The following RPSA2 variants were observed in gnomAD, a reference collection of about 807,000 sequenced individuals.
RPSA2 encodes the protein small ribosomal subunit protein uS2B.
chr19:23,775,027 T>G, the RPSA2 span, among the ~76,000 whole-genome samples: 3 of 152,162 alleles, frequency 2.0e-5, no homozygotes, highest in East Asian at 5.8e-4. Context: ...AGACAAACTA[T>G]CTTTCATATG....
At chr19:23,832,575 C>T in the RPSA2 span, 1 of 1,070,276 alleles carries the variant, frequency 9.3e-7, no homozygotes, top group South Asian at 1.4e-5. Context: ...TGTGGCAATG[C>T]TTTTAGCCAG....
At chr19:23,855,982 T>C in the RPSA2 span, among the ~76,000 whole-genome samples, 3 of 152,078 alleles carry the variant, frequency 2.0e-5, no homozygotes, top group Non-Finnish European at 4.4e-5. Context: ...TATTGGTTCT[T>C]CATGAAAAGA....
the RPSA2 span, among the ~76,000 whole-genome samples, chr19:23,781,416 G>A: frequency 6.6e-6 from 1 of 152,242 alleles, no homozygotes; most frequent in East Asian, 1.9e-4. Context: ...TTGGCTCACT[G>A]CAACTTCTGC....
chr19:23,832,917 C>T, the RPSA2 span: 50 of 1,540,796 alleles, frequency 3.2e-5, no homozygotes, highest in East Asian at 1.2e-3. Flanking sequence ...AATCTTTTAA[C>T]CTGTCTTCAA....
At chr19:23,767,124 T>C in the RPSA2 span, among the ~76,000 whole-genome samples, 15 of 152,206 alleles carry the variant, frequency 9.9e-5, no homozygotes, top group East Asian at 2.3e-3. Flanking sequence ...GTATTTTTAG[T>C]AGAGACGGGG....
the RPSA2 span, among the ~76,000 whole-genome samples, chr19:23,800,424 T>C: frequency 6.6e-6 from 1 of 152,102 alleles, no homozygotes; most frequent in Admixed American, 6.6e-5. Flanking sequence ...GGACATAATA[T>C]AAACAAATAA....
the RPSA2 span, among the ~76,000 whole-genome samples, chr19:23,769,278 A>G: frequency 6.6e-6 from 1 of 152,022 alleles, no homozygotes; most frequent in Non-Finnish European, 1.5e-5. Context: ...ATGTGACTTC[A>G]CACTTCTTCC....
At chr19:23,858,457 A>G in the RPSA2 span, among the ~76,000 whole-genome samples, 1 of 152,330 alleles carries the variant, frequency 6.6e-6, no homozygotes, top group Non-Finnish European at 1.5e-5. Flanking sequence ...CATACATACA[A>G]ATATGTTATA....
the RPSA2 span, among the ~76,000 whole-genome samples, chr19:23,771,414 C>T: frequency 1.3e-5 from 2 of 152,208 alleles, no homozygotes; most frequent in South Asian, 2.1e-4. Flanking sequence ...GAGACTCATT[C>T]ATGTACTTAT....
chr19:23,827,055 C>T, the RPSA2 span: 4 of 701,332 alleles, frequency 5.7e-6, no homozygotes, highest in Non-Finnish European at 2.6e-6. Flanking sequence ...ATTGCTTTTA[C>T]CTATTTGCTT....
At chr19:23,808,891 TG>T in the RPSA2 span, 1 of 372,424 alleles carries the variant, frequency 2.7e-6, no homozygotes, top group Non-Finnish European at 4.9e-6. Flanking sequence ...TAAAGTGATT[TG>T]GGAAGCTGTG....
chr19:23,791,276 A>G, the RPSA2 span, among the ~76,000 whole-genome samples: 2 of 152,170 alleles, frequency 1.3e-5, no homozygotes, highest in Admixed American at 1.3e-4. Flanking sequence ...CTGGGATTAC[A>G]GGCATGAGTC....
chr19:23,829,770 T>C, the RPSA2 span, among the ~76,000 whole-genome samples: 2 of 152,238 alleles, frequency 1.3e-5, no homozygotes, highest in Non-Finnish European at 1.5e-5. Flanking sequence ...TTATATCTTA[T>C]GTTGTATGTT....
At chr19:23,837,129 C>T in the RPSA2 span, among the ~76,000 whole-genome samples, 1 of 152,004 alleles carries the variant, frequency 6.6e-6, no homozygotes, top group Non-Finnish European at 1.5e-5. Flanking sequence ...AGGTTTAAGT[C>T]CTTAATCCAT....
chr19:23,804,984 A>C, the RPSA2 span, among the ~76,000 whole-genome samples: 388 of 93,512 alleles, frequency 4.1e-3, no homozygotes, highest in African/African-American at 6.3e-3. Flanking sequence ...CCGCCTTTGC[A>C]CTAAAGAGGG....
At chr19:23,864,120 G>A in the RPSA2 span, among the ~76,000 whole-genome samples, 1 of 152,164 alleles carries the variant, frequency 6.6e-6, no homozygotes, top group Admixed American at 6.5e-5. Context: ...TGTCGAAAAA[G>A]TAATTTGACA....
At chr19:23,790,913 C>G in the RPSA2 span, 2 of 459,924 alleles carry the variant, frequency 4.3e-6, no homozygotes, top group Non-Finnish European at 7.9e-6. Context: ...AGGTTGGCAT[C>G]CGTCCCCTGC....
chr19:23,768,833 C>T, the RPSA2 span, among the ~76,000 whole-genome samples: 2 of 151,326 alleles, frequency 1.3e-5, no homozygotes, highest in South Asian at 4.2e-4. Context: ...GCCAATCCGC[C>T]CGCCTCAACC....
the RPSA2 span, chr19:23,827,812 T>C: frequency 6.3e-7 from 1 of 1,575,192 alleles, no homozygotes; most frequent in Non-Finnish European, 8.6e-7. Flanking sequence ...AGCAGGCTGC[T>C]GCTGAGAAGG....
Sources: allele counts gnomAD v4.1 joint callset (sites outside exome capture counted in the v4.1 genomes callset), GRCh38; gene constraint gnomAD v4.1.1; transcripts MANE v1.5; gene names NCBI Gene and HGNC (gene_info 2026-07-23, HGNC 2026-07-21).